SLC9A4: variants seen among roughly 807,000 people sequenced by gnomAD.
SLC9A4 encodes solute carrier family 9 member A4.
SLC9A4 carries 63 observed loss-of-function variants against 67.4 expected under a neutral mutation model. The ratio of observed to expected loss-of-function variants is 0.93; its 90% CI spans 0.76 to 1.15. The LOEUF is 1.15. Among genes scored for constraint, SLC9A4 ranks in the 50% most tolerant of loss-of-function variants. The probability of loss-of-function intolerance (pLI) is 0.00; values close to 1 mark genes in which losing one functional copy is unlikely to be tolerated. For missense variants in SLC9A4, 1,089 were observed against 987.7 expected, an observed-to-expected ratio of 1.10 and a Z score of -1.38; for synonymous variants, 393 against 367.2, an observed-to-expected ratio of 1.07 and a Z score of -0.80.
intron 10 of SLC9A4, 46 bp from the exon 11 acceptor site, chr2:102,526,213 A>G: frequency 6.3e-7 from 1 of 1,590,632 alleles, no homozygotes; most frequent in Non-Finnish European, 8.6e-7. Flanking sequence ...GAAGCTCTTA[A>G]TTGAGACAGC....
intron 1 of SLC9A4, among the ~76,000 whole-genome samples, chr2:102,478,308 G>A (rs551319540): frequency 2.0e-5 from 3 of 152,362 alleles, no homozygotes; most frequent in East Asian, 1.9e-4. Flanking sequence ...AATGCATGAA[G>A]GGTCACTCAT....
chr2:102,480,175 C>A (rs1684428493), intron 2 of SLC9A4, among the ~76,000 whole-genome samples: 1 of 152,122 alleles, frequency 6.6e-6, no homozygotes, highest in Non-Finnish European at 1.5e-5. Flanking sequence ...CTTGCCCTCA[C>A]CTCCTCCTCT....
chr2:102,482,863 T>A (rs1295364187), intron 2 of SLC9A4, among the ~76,000 whole-genome samples: 1 of 152,230 alleles, frequency 6.6e-6, no homozygotes, highest in African/African-American at 2.4e-5. Context: ...AACTCAGATA[T>A]AATCTACAAA....
intron 4 of SLC9A4, chr2:102,505,683 A>G (rs1425042887): frequency 2.0e-6 from 1 of 504,764 alleles, no homozygotes; most frequent in African/African-American, 1.9e-5. Context: ...TCTGCATTGA[A>G]GCAAGGCTGG....
intron 2 of SLC9A4, among the ~76,000 whole-genome samples, chr2:102,487,078 C>T (rs1367923010): frequency 6.6e-6 from 1 of 152,154 alleles, no homozygotes; most frequent in African/African-American, 2.4e-5. Context: ...CCCATCCAGC[C>T]CAGACATGGG....
chr2:102,514,096 G>T lies in SLC9A4; in HGVS notation c.1566G>T (p.Lys522Asn). The change falls in exon 8 of 12, where the codon AAG becomes AAT. Residue 522 changes from lysine to asparagine, a missense_variant. By Grantham distance (94) the Lys-to-Asn change is moderately conservative. Coordinates refer to ENST00000295269, the MANE Select transcript of SLC9A4 (RefSeq NM_001011552.4). ...WSHYQVRDKF[K>N]KFDHRYLRKI... Reference sequence around the variant, plus strand: ...TGTTGGTTTTCATTTTTAGGTTTAAGAAGTTTGATCATAGATACTTACGGA... The same window carrying T: ...TGTTGGTTTTCATTTTTAGGTTTAATAAGTTTGATCATAGATACTTACGGA... 1 of 1,611,966 alleles carries T rather than the reference G, an allele frequency of 6.2e-7. No individual in the cohort carries two copies. The highest frequency in any genetic ancestry group is 8.5e-7 in the Non-Finnish European group (1 of 1,179,418).
chr2:102,501,985 C>A (rs1373167987), intron 2 of SLC9A4, among the ~76,000 whole-genome samples: 4 of 152,074 alleles, frequency 2.6e-5, no homozygotes, highest in African/African-American at 9.7e-5. Flanking sequence ...TCCACACAGT[C>A]CATCTATGCT....
chr2:102,516,451 A>C (rs987845411), intron 8 of SLC9A4, among the ~76,000 whole-genome samples: 1 of 152,240 alleles, frequency 6.6e-6, no homozygotes, highest in Non-Finnish European at 1.5e-5. Context: ...ACAAACCTTC[A>C]TACAATAATA....
At chr2:102,505,609 G>A (rs758377118) in intron 4 of SLC9A4, 138 bp downstream of exon 4, 31 of 748,410 alleles carry the variant, frequency 4.1e-5, no homozygotes, top group Admixed American at 8.7e-5. Context: ...GAACCTGGTC[G>A]TGAGCAGGAA....
intron 2 of SLC9A4, among the ~76,000 whole-genome samples, chr2:102,491,556 T>C (rs988682983): frequency 6.6e-5 from 10 of 152,034 alleles, no homozygotes; most frequent in African/African-American, 2.2e-4. Flanking sequence ...ATGAGACTTA[T>C]TCATTATCAC....
chr2:102,529,829 G>T (rs929214573), intron 11 of SLC9A4, among the ~76,000 whole-genome samples: 9 of 152,120 alleles, frequency 5.9e-5, no homozygotes, highest in African/African-American at 2.2e-4. Context: ...TGGATGTCTT[G>T]GAGCTCCATG....
At chr2:102,477,216 G>A (rs544121446) in intron 1 of SLC9A4, among the ~76,000 whole-genome samples, 3 of 152,290 alleles carry the variant, frequency 2.0e-5, no homozygotes, top group South Asian at 2.1e-4. Flanking sequence ...CCAGTTCAAA[G>A]GTTGCTCCAG....
chr2:102,508,199 TG>T lies in SLC9A4; in HGVS notation c.1320del (p.Leu440PhefsTer18). The T allele has an allele frequency of 6.2e-7, 1 of 1,614,244 alleles. No individual in the cohort carries two copies. The highest frequency in any genetic ancestry group is 8.5e-7 in the Non-Finnish European group (1 of 1,180,034). On this transcript the variant is annotated frameshift_variant, in exon 5 of 12. Coordinates refer to ENST00000295269, the MANE Select transcript of SLC9A4 (RefSeq NM_001011552.4). LOFTEE classifies it high-confidence loss of function. ...RGAGSFSLAFLLPLSLFPRKK... is the reference protein window; with the variant it reads ...RGAGSFSLAFXLPLSLFPRKK... ...GCTGGAAGTTTTTCACTTGCATTTT[TG>T]CTTCCTCTGTCTCTTTTTCCTAGGA... is the stretch of plus-strand genomic sequence containing the variant.
At chr2:102,484,553 A>G (rs4851594) in intron 2 of SLC9A4, among the ~76,000 whole-genome samples, 77,182 of 152,012 alleles carry the variant, frequency 0.51, 19,985 homozygotes, top group Admixed American at 0.58. Flanking sequence ...GCTGGCCATG[A>G]CTTTGTATTG....
At chr2:102,494,165 T>C (rs1385088785) in intron 2 of SLC9A4, among the ~76,000 whole-genome samples, 1 of 151,976 alleles carries the variant, frequency 6.6e-6, no homozygotes, top group Non-Finnish European at 1.5e-5. Flanking sequence ...TTTAATATTA[T>C]GACTACAAAG....
chr2:102,487,588 C>A (rs899480805), intron 2 of SLC9A4, among the ~76,000 whole-genome samples: 1 of 152,170 alleles, frequency 6.6e-6, no homozygotes, highest in African/African-American at 2.4e-5. Context: ...CATCAAACAC[C>A]TGTTTGGTTC....
chr2:102,481,755 G>A (rs1558659482), intron 2 of SLC9A4, among the ~76,000 whole-genome samples: 1 of 152,006 alleles, frequency 6.6e-6, no homozygotes, highest in Non-Finnish European at 1.5e-5. Flanking sequence ...TTTATATAGT[G>A]AAACCTGCTA....
chr2:102,515,613 G>A (rs932148193), intron 8 of SLC9A4, among the ~76,000 whole-genome samples: 18 of 151,672 alleles, frequency 1.2e-4, no homozygotes, highest in Admixed American at 3.3e-4. Context: ...CCCAGGCAAA[G>A]GAAACATCAG....
intron 2 of SLC9A4, among the ~76,000 whole-genome samples, chr2:102,490,312 G>A (rs993411021): frequency 2.0e-5 from 3 of 152,194 alleles, no homozygotes; most frequent in Non-Finnish European, 4.4e-5. Flanking sequence ...TCTGAAATAT[G>A]AAAGACTTTT....
Sources: allele counts gnomAD v4.1 joint callset (sites outside exome capture counted in the v4.1 genomes callset), GRCh38; gene constraint gnomAD v4.1.1; transcripts MANE v1.5; gene names NCBI Gene and HGNC (gene_info 2026-07-23, HGNC 2026-07-21).